Variants in PRLR observed in about 807,000 individuals in gnomAD.
PRLR encodes prolactin receptor.
A neutral mutation model predicts 40.2 loss-of-function variants in PRLR; 13 were observed. The ratio of observed to expected loss-of-function variants is 0.32; its 90% CI spans 0.21 to 0.51. The LOEUF (loss-of-function observed/expected upper bound fraction) is 0.51. Among genes scored for constraint, PRLR ranks in the 20% least tolerant of loss-of-function variants. The probability of loss-of-function intolerance (pLI) is 0.97; values close to 1 mark genes in which losing one functional copy is unlikely to be tolerated. For synonymous variants in PRLR, 269 were observed against 278.7 expected (o/e 0.97, Z 0.35); for missense variants, 656 against 747.3 (o/e 0.88, Z 1.42).
intron 1 of PRLR, among the ~76,000 whole-genome samples, chr5:35,148,998 A>T (rs78493119): frequency 0.036 from 5,410 of 152,222 alleles, 104 homozygotes; most frequent in Non-Finnish European, 0.045. Context: ...AGGACAGATG[A>T]TCCCTCTTAA....
In PRLR at chr5:35,065,972, T is replaced by C; in HGVS notation, c.986A>G (p.His329Arg). The change falls in exon 10 of 10, where the codon CAT becomes CGT. Residue 329 changes from histidine to arginine, a missense_variant. This residue lies in a region of PRLR where 469 missense variants were observed against 491.5 expected (regional missense o/e 0.95). Coordinates refer to ENST00000618457, the MANE Select transcript of PRLR (RefSeq NM_000949.7). Reference sequence around the variant, plus strand: ...ACCTTGACTTGGGTGTTCTTTTGAATGGACTGACATTAGATGCTGGTCCTC... The same window carrying C: ...ACCTTGACTTGGGTGTTCTTTTGAACGGACTGACATTAGATGCTGGTCCTC... ...DSEDQHLMSV[H>R]SKEHPSQGMK... 1 of 1,614,194 alleles carries C rather than the reference T, an allele frequency of 6.2e-7. No individual in the cohort carries two copies. Among genetic ancestry groups the C allele is most frequent in the Non-Finnish European group, 8.5e-7 (1 of 1,180,032 alleles).
intron 1 of PRLR, among the ~76,000 whole-genome samples, chr5:35,158,490 T>G (rs964014898): frequency 6.6e-6 from 1 of 151,130 alleles, no homozygotes; most frequent in Non-Finnish European, 1.5e-5. Context: ...CAGCTTTGAG[T>G]TTTATGTCTG....
At chr5:35,142,800 T>C (rs1456022265) in intron 1 of PRLR, among the ~76,000 whole-genome samples, 1 of 152,242 alleles carries the variant, frequency 6.6e-6, no homozygotes, top group Non-Finnish European at 1.5e-5. Context: ...CAGTTTAGAA[T>C]AGTGCTATGG....
intron 1 of PRLR, among the ~76,000 whole-genome samples, chr5:35,124,102 G>C (rs1380233090): frequency 6.6e-6 from 1 of 152,150 alleles, no homozygotes; most frequent in African/African-American, 2.4e-5. Context: ...ATTCAGGGCT[G>C]CTATAGTCAT....
At chr5:35,110,281 T>A (rs1025271876) in intron 2 of PRLR, among the ~76,000 whole-genome samples, 1 of 151,906 alleles carries the variant, frequency 6.6e-6, no homozygotes, top group African/African-American at 2.4e-5. Flanking sequence ...GGTTAATGGG[T>A]GCAGCACACC....
At chr5:35,147,439 C>A (rs943180352) in intron 1 of PRLR, among the ~76,000 whole-genome samples, 4 of 152,132 alleles carry the variant, frequency 2.6e-5, no homozygotes, top group South Asian at 4.1e-4. Context: ...AAATGAACTG[C>A]ATATTCATTT....
At chr5:35,154,645 A>G (rs1348987630) in intron 1 of PRLR, among the ~76,000 whole-genome samples, 1 of 152,162 alleles carries the variant, frequency 6.6e-6, no homozygotes, top group Non-Finnish European at 1.5e-5. Context: ...CCGAGTATAT[A>G]CCCAAAGGAA....
In PRLR at chr5:35,059,095, A is replaced by T. The variant is rs1411070689; in HGVS notation, c.*5994T>A. 6.6e-6 allele frequency: 1 copy of T among 152,190 alleles called. No homozygotes were observed. The highest frequency in any genetic ancestry group is 1.5e-5 in the Non-Finnish European group (1 of 68,032). 9.4% of individuals were successfully genotyped at this position (152,190 alleles called of 1,614,324 possible). A position where few individuals can be genotyped will look rare whatever the true frequency, so the allele number is the denominator to read the frequency against. On this transcript the variant is annotated 3_prime_UTR_variant, in exon 10 of 10. Coordinates refer to ENST00000618457, the MANE Select transcript of PRLR (RefSeq NM_000949.7). ...GTGAAGTGTGCACAAAAAAACTCAG[A>T]CTACATTTTGAGGTTTATCCAAGTG...
At chr5:35,170,123 C>A (rs1473744761) in intron 1 of PRLR, among the ~76,000 whole-genome samples, 1 of 152,150 alleles carries the variant, frequency 6.6e-6, no homozygotes. Context: ...TTATTGTCAT[C>A]CCACAATCCA....
chr5:35,079,706 C>A (rs568300373), intron 5 of PRLR, among the ~76,000 whole-genome samples: 2 of 152,212 alleles, frequency 1.3e-5, no homozygotes, highest in South Asian at 4.1e-4. Flanking sequence ...TCATGTGGGA[C>A]CAAAAAAGAG....
intron 1 of PRLR, among the ~76,000 whole-genome samples, chr5:35,134,643 A>G (rs1040427657): frequency 1.3e-5 from 2 of 152,218 alleles, no homozygotes; most frequent in African/African-American, 4.8e-5. Flanking sequence ...AACCTCAATG[A>G]ACTGGGATTT....
intron 2 of PRLR, among the ~76,000 whole-genome samples, chr5:35,113,104 A>C (rs1167828026): frequency 4.0e-5 from 6 of 151,494 alleles, no homozygotes; most frequent in African/African-American, 1.5e-4. Context: ...CCATCTTTCC[A>C]TCAATCCATC....
chr5:35,147,865 T>C (rs569307718), intron 1 of PRLR, among the ~76,000 whole-genome samples: 16 of 152,184 alleles, frequency 1.1e-4, no homozygotes, highest in Admixed American at 4.6e-4. Context: ...TGCAATCAAA[T>C]GGAGAACAAG....
chr5:35,180,851 A>G (rs892148644), intron 1 of PRLR, among the ~76,000 whole-genome samples: 1 of 152,046 alleles, frequency 6.6e-6, no homozygotes, highest in Non-Finnish European at 1.5e-5. Flanking sequence ...TCCTTGTGAT[A>G]GTTTGCTCAG....
At chr5:35,125,809 TC>T (rs1561320631) in intron 1 of PRLR, among the ~76,000 whole-genome samples, 1 of 152,194 alleles carries the variant, frequency 6.6e-6, no homozygotes, top group African/African-American at 2.4e-5. Context: ...CACTGCATAA[TC>T]AGGAAGACTG....
intron 1 of PRLR, among the ~76,000 whole-genome samples, chr5:35,164,945 G>A (rs67526866): frequency 0.11 from 16,625 of 152,240 alleles, 1,034 homozygotes; most frequent in Non-Finnish European, 0.12. Flanking sequence ...TAAGTTTCTG[G>A]TTTGGGTCTC....
At chr5:35,229,356 C>G (rs1188678274) in intron 1 of PRLR, among the ~76,000 whole-genome samples, 1 of 151,986 alleles carries the variant, frequency 6.6e-6, no homozygotes, top group Non-Finnish European at 1.5e-5. Context: ...GTTTTGCAAC[C>G]ATTTTCAAGT....
rs2112331003 is a variant in PRLR at position 35,055,760 on chromosome 5, G to A, written c.*9329C>T. 1 of 152,206 alleles carries A rather than the reference G, an allele frequency of 6.6e-6. No individual in the cohort carries two copies. Among genetic ancestry groups the A allele is most frequent in the Non-Finnish European group, 1.5e-5 (1 of 68,010 alleles). The allele number at this position is 152,206 out of a possible 1,614,324, so 9.4% of individuals were successfully genotyped here. A position where few individuals can be genotyped will look rare whatever the true frequency, so the allele number is the denominator to read the frequency against. On this transcript the variant is annotated 3_prime_UTR_variant, in exon 10 of 10. Transcript: ENST00000618457. ...ACTAAACATTACTACCATTGCAAAA[G>A]CATTTGCTCTGAAAAGGGACTGAAA...
At chr5:35,070,927 A>T (rs1769710946) in intron 6 of PRLR, among the ~76,000 whole-genome samples, 2 of 152,032 alleles carry the variant, frequency 1.3e-5, no homozygotes, top group African/African-American at 2.4e-5. Context: ...TCAATAATAA[A>T]TTGGTGTTAA....
Sources: allele counts gnomAD v4.1 joint callset (sites outside exome capture counted in the v4.1 genomes callset), GRCh38; gene constraint gnomAD v4.1.1; regional missense constraint gnomAD v4.1.1; transcripts MANE v1.5; gene names NCBI Gene and HGNC (gene_info 2026-07-23, HGNC 2026-07-21).